Variants in PAX5 observed in about 807,000 individuals in gnomAD.
The protein encoded by PAX5 is paired box 5.
A neutral mutation model predicts 43.7 loss-of-function variants in PAX5; 9 were observed. The ratio of observed to expected loss-of-function variants is 0.21; its 90% CI spans 0.12 to 0.36. The LOEUF (loss-of-function observed/expected upper bound fraction) is 0.36. Ranked by LOEUF, PAX5 falls within the 10% of genes least tolerant of loss-of-function variation. PAX5 has a pLI of 1.00. For synonymous variants in PAX5, 228 were observed against 214.3 expected (o/e 1.06, Z -0.56); for missense variants, 383 against 532.7 (o/e 0.72, Z 2.77).
Position 36,840,215 on chromosome 9 carries a change from A to C in PAX5, c.*345T>G. On this transcript the variant is annotated 3_prime_UTR_variant, in exon 10 of 10. Transcript: ENST00000358127. The stretch of plus-strand genomic sequence containing the variant: ...GCAACAAAAGCAAGCTCTCCTTCCC[A>C]GGCTGGGGTGGTTATGATGGATGGA... 1 of 471,694 alleles carries C rather than the reference A, an allele frequency of 2.1e-6. No individual in the cohort carries two copies. Among genetic ancestry groups the C allele is most frequent in the Non-Finnish European group, 3.8e-6 (1 of 261,914 alleles). The allele number at this position is 471,694 out of a possible 1,614,324, so 29.2% of individuals were successfully genotyped here. A position where few individuals can be genotyped will look rare whatever the true frequency, so the allele number is the denominator to read the frequency against.
chr9:36,939,916 C>A (rs1831902045), intron 6 of PAX5, among the ~76,000 whole-genome samples: 1 of 151,848 alleles, frequency 6.6e-6, no homozygotes, highest in African/African-American at 2.4e-5. Flanking sequence ...CTCCTCCTGT[C>A]ACCCTCCCCT....
rs557861230 is a variant in PAX5, at chr9:36,904,308, C to A, written c.910+19047G>T. Among the ~76,000 whole-genome samples, 23 of 152,230 alleles carry A rather than the reference C, an allele frequency of 1.5e-4. No individual in the cohort carries two copies. In the South Asian group the frequency reaches 4.4e-3, roughly 29 times the overall value. On this transcript the variant is annotated intron_variant, in intron 7 of 9. Transcript: ENST00000358127. ...CCTAGTCCCCTATCCTACACACCAG[C>A]CCCCTAAATAGGCTGCTGGGCCACA...
chr9:36,974,551 A>G (rs1200433715), intron 5 of PAX5, among the ~76,000 whole-genome samples: 1 of 152,104 alleles, frequency 6.6e-6, no homozygotes, highest in Non-Finnish European at 1.5e-5. Flanking sequence ...ATTTGTACCT[A>G]GGTCTCTTAT....
At chr9:36,927,008 C>T (rs972520401) in intron 6 of PAX5, among the ~76,000 whole-genome samples, 1 of 152,050 alleles carries the variant, frequency 6.6e-6, no homozygotes, top group Non-Finnish European at 1.5e-5. Flanking sequence ...TGAGAACAGC[C>T]GAAGTCAGGC....
chr9:36,858,783 C>T (rs1426912246), intron 8 of PAX5, among the ~76,000 whole-genome samples: 4 of 152,098 alleles, frequency 2.6e-5, no homozygotes, highest in African/African-American at 9.7e-5. Flanking sequence ...TTTCCTGCGG[C>T]CCAGACCTTG....
chr9:36,839,024 G>T lies in PAX5; in HGVS notation c.*1536C>A. On this transcript the variant is annotated 3_prime_UTR_variant, in exon 10 of 10. Transcript: ENST00000358127. ...AGCCCCCTCTCATCACTGTCATTCA[G>T]CCCAGGTTTGGACAAGGGCTCTACC... The T allele has an allele frequency of 4.3e-6, 1 of 233,304 alleles. No individual in the cohort carries two copies. 14.5% of individuals were successfully genotyped at this position (233,304 alleles called of 1,614,324 possible).
intron 5 of PAX5, among the ~76,000 whole-genome samples, chr9:36,969,242 C>T (rs902698075): frequency 1.3e-5 from 2 of 152,234 alleles, no homozygotes; most frequent in Non-Finnish European, 2.9e-5. Context: ...CAGGGCAGTG[C>T]CCAGCTCCTC....
intron 7 of PAX5, among the ~76,000 whole-genome samples, chr9:36,920,860 C>T (rs1294325692): frequency 7.9e-6 from 1 of 127,244 alleles, no homozygotes. Flanking sequence ...GTGGCCCAGG[C>T]TGGAGTGCAA....
chr9:36,946,877 C>G (rs1588050341), intron 6 of PAX5, among the ~76,000 whole-genome samples: 1 of 152,162 alleles, frequency 6.6e-6, no homozygotes, highest in Non-Finnish European at 1.5e-5. Context: ...TCCTAACCCC[C>G]AAGCCACAGT....
At chr9:36,869,142 G>C (rs1238470217) in intron 8 of PAX5, among the ~76,000 whole-genome samples, 1 of 152,204 alleles carries the variant, frequency 6.6e-6, no homozygotes, top group Admixed American at 6.5e-5. Context: ...GCAGCGGTTG[G>C]TCCAGATGAA....
Position 37,034,098 on chromosome 9 carries a change from CTTTTTTTTTT to C in PAX5, c.-77_-68del, listed in dbSNP as rs576653546. 2.9e-4 allele frequency: 93 copies of C among 320,006 alleles called. No individual in the cohort carries two copies. The highest frequency in any genetic ancestry group is 1.8e-3 in the Middle Eastern group (2 of 1,094). 19.8% of individuals were successfully genotyped at this position (320,006 alleles called of 1,614,324 possible). ...TCCACTTTTTTGTGCCTTTTTTTTT[CTTTTTTTTTT>C]TTTTTTTTTTTTTTTTTTGGTGCCA... On this transcript the variant is annotated 5_prime_UTR_variant, in exon 1 of 10. Coordinates refer to ENST00000358127, the MANE Select transcript of PAX5 (RefSeq NM_016734.3).
chr9:36,939,381 C>A (rs1439437134), intron 6 of PAX5, among the ~76,000 whole-genome samples: 1 of 152,136 alleles, frequency 6.6e-6, no homozygotes, highest in Non-Finnish European at 1.5e-5. Flanking sequence ...CCATTTTTAA[C>A]CCAAACCACC....
chr9:36,887,540 T>C (rs1481776357), intron 7 of PAX5, among the ~76,000 whole-genome samples: 2 of 152,170 alleles, frequency 1.3e-5, no homozygotes, highest in African/African-American at 4.8e-5. Context: ...ACTCTACAAG[T>C]ACTAGAAGAA....
chr9:36,998,798 C>A (rs1837613380), intron 5 of PAX5, among the ~76,000 whole-genome samples: 1 of 152,084 alleles, frequency 6.6e-6, no homozygotes, highest in Admixed American at 6.5e-5. Context: ...AAAATACACA[C>A]CAGATTTCAA....
In PAX5 at chr9:36,835,036, G is replaced by A. The variant is rs1213486720; in HGVS notation, c.*5524C>T. 4.3e-6 allele frequency: 1 copy of A among 233,234 alleles called. No homozygotes were observed. Among genetic ancestry groups the A allele is most frequent in the Non-Finnish European group, 8.5e-6 (1 of 118,084 alleles). 14.4% of individuals were successfully genotyped at this position (233,234 alleles called of 1,614,324 possible). ...TTGTGCCTCTGTCTCTCCTGCCACA[G>A]GCCAAGTACCCTACCTGAGACGACT... On this transcript the variant is annotated 3_prime_UTR_variant, in exon 10 of 10. Coordinates refer to ENST00000358127, the MANE Select transcript of PAX5 (RefSeq NM_016734.3).
chr9:36,927,712 C>CT (rs113477748), intron 6 of PAX5, among the ~76,000 whole-genome samples: 45,083 of 141,992 alleles, frequency 0.32, 7,239 homozygotes, highest in Non-Finnish European at 0.35. Flanking sequence ...TTTTCTTTTT[C>CT]TTTTTTTTTT....
intron 7 of PAX5, among the ~76,000 whole-genome samples, chr9:36,910,757 C>A (rs1213283748): frequency 6.6e-6 from 1 of 152,120 alleles, no homozygotes; most frequent in Non-Finnish European, 1.5e-5. Context: ...ATCCCCAATA[C>A]CAGAGGTGAC....
chr9:36,994,198 A>G (rs1057471877), intron 5 of PAX5, among the ~76,000 whole-genome samples: 33 of 152,244 alleles, frequency 2.2e-4, no homozygotes, highest in African/African-American at 7.9e-4. Context: ...GCAGTTGTCT[A>G]TCTGGGTCTC....
chr9:37,002,494 G>T (rs1412501925), intron 5 of PAX5, among the ~76,000 whole-genome samples, 154 bp downstream of exon 5: 1 of 152,232 alleles, frequency 6.6e-6, no homozygotes. Flanking sequence ...GCCCTTTCCC[G>T]TGTTCACGAA....
Sources: gnomAD v4.1 joint callset for allele counts (sites outside exome capture counted in the v4.1 genomes callset) on GRCh38, gnomAD v4.1.1 for gene constraint, MANE v1.5 for transcripts, NCBI Gene and HGNC (gene_info 2026-07-23, HGNC 2026-07-21) for gene names.